SGCZ: variants seen among roughly 807,000 people sequenced by gnomAD.
SGCZ encodes zeta-sarcoglycan.
A neutral mutation model predicts 41.3 loss-of-function variants in SGCZ; 40 were observed. The observed-to-expected ratio is 0.97, with a 90% confidence interval of 0.75 to 1.26. SGCZ has a LOEUF of 1.26. SGCZ is among the 50% of genes most tolerant of loss of function. The pLI, the probability that SGCZ is intolerant of heterozygous loss-of-function variation, is 0.00. For synonymous variants in SGCZ, 206 were observed against 137.5 expected (o/e 1.50, Z -3.49); for missense variants, 552 against 369.8 (o/e 1.49, Z -4.04).
intron 1 of SGCZ, among the ~76,000 whole-genome samples, chr8:14,730,437 G>C (rs1483632549): frequency 6.6e-6 from 1 of 150,634 alleles, no homozygotes; most frequent in East Asian, 1.9e-4. Flanking sequence ...ACCTGCTCTT[G>C]TATGTTCTAT....
chr8:15,127,291 T>A (rs534997830), intron 1 of SGCZ, among the ~76,000 whole-genome samples: 1 of 149,876 alleles, frequency 6.7e-6, no homozygotes, highest in Non-Finnish European at 1.5e-5. Context: ...CACACACATA[T>A]ACATACATGG....
At chr8:14,189,575 T>C (rs1472414638) in intron 4 of SGCZ, among the ~76,000 whole-genome samples, 1 of 152,208 alleles carries the variant, frequency 6.6e-6, no homozygotes, top group Non-Finnish European at 1.5e-5. Flanking sequence ...CTTTGCTCAT[T>C]GTTTTATTTA....
intron 1 of SGCZ, among the ~76,000 whole-genome samples, chr8:15,027,559 T>G (rs555175523): frequency 6.6e-6 from 1 of 152,086 alleles, no homozygotes; most frequent in Non-Finnish European, 1.5e-5. Flanking sequence ...CTTCTAATTT[T>G]ATATAATTAT....
chr8:14,973,113 A>G (rs1228446750), intron 1 of SGCZ, among the ~76,000 whole-genome samples: 1 of 152,192 alleles, frequency 6.6e-6, no homozygotes, highest in African/African-American at 2.4e-5. Flanking sequence ...TAAATAATTT[A>G]CTTTAGAAAA....
chr8:14,771,622 G>A (rs1335867195), intron 1 of SGCZ, among the ~76,000 whole-genome samples: 3 of 151,956 alleles, frequency 2.0e-5, no homozygotes, highest in Non-Finnish European at 2.9e-5. Context: ...ACATAATTAG[G>A]TAACAATATA....
intron 3 of SGCZ, among the ~76,000 whole-genome samples, chr8:14,243,710 T>A (rs34953040): frequency 6.6e-6 from 1 of 151,946 alleles, no homozygotes; most frequent in Non-Finnish European, 1.5e-5. Context: ...TTCTTATCCA[T>A]GTCTCTTTAT....
chr8:14,371,833 T>G (rs1803920622), intron 2 of SGCZ, among the ~76,000 whole-genome samples: 1 of 152,074 alleles, frequency 6.6e-6, no homozygotes, highest in Non-Finnish European at 1.5e-5. Flanking sequence ...ATAAATAAGA[T>G]GTACATATGG....
chr8:15,058,853 A>G (rs754762019), intron 1 of SGCZ, among the ~76,000 whole-genome samples: 7 of 152,204 alleles, frequency 4.6e-5, no homozygotes, highest in Non-Finnish European at 8.8e-5. Flanking sequence ...TATCCTTAGT[A>G]TATCCAAATG....
chr8:14,941,771 T>G (rs1800282239), intron 1 of SGCZ, among the ~76,000 whole-genome samples: 1 of 151,872 alleles, frequency 6.6e-6, no homozygotes, highest in Admixed American at 6.6e-5. Flanking sequence ...ACAGATATTT[T>G]AAATTATCTC....
chr8:14,581,642 T>A (rs1804892489), intron 1 of SGCZ, among the ~76,000 whole-genome samples: 1 of 151,908 alleles, frequency 6.6e-6, no homozygotes, highest in Non-Finnish European at 1.5e-5. Flanking sequence ...TGCTTCAGAG[T>A]CCAGAAAGCA....
intron 1 of SGCZ, among the ~76,000 whole-genome samples, chr8:14,747,838 T>C (rs1198955158): frequency 6.7e-6 from 1 of 150,354 alleles, no homozygotes; most frequent in Non-Finnish European, 1.5e-5. Flanking sequence ...TCAGTCTCCT[T>C]AGTAGCTGAG....
intron 3 of SGCZ, among the ~76,000 whole-genome samples, chr8:14,303,989 T>C (rs529632624): frequency 6.6e-6 from 1 of 151,916 alleles, no homozygotes; most frequent in Admixed American, 6.6e-5. Context: ...TGACCTCAAG[T>C]GATACTCCTG....
intron 1 of SGCZ, among the ~76,000 whole-genome samples, chr8:15,014,317 A>G (rs1802944118): frequency 6.6e-5 from 10 of 152,310 alleles, no homozygotes; most frequent in Middle Eastern, 3.4e-3. Flanking sequence ...CCCCCAAGGC[A>G]TTGATGCCAG....
chr8:14,642,797 T>C (rs551950316), intron 1 of SGCZ, among the ~76,000 whole-genome samples: 3 of 151,664 alleles, frequency 2.0e-5, no homozygotes, highest in African/African-American at 7.2e-5. Flanking sequence ...TAATACAAAA[T>C]GGCACTGACT....
At chr8:14,144,663 C>A (rs950612741) in intron 5 of SGCZ, among the ~76,000 whole-genome samples, 5 of 152,162 alleles carry the variant, frequency 3.3e-5, no homozygotes, top group African/African-American at 1.2e-4. Flanking sequence ...GGGTGTAGAG[C>A]ACCAAGCAGG....
chr8:14,564,631 C>T (rs1167538445), intron 1 of SGCZ, among the ~76,000 whole-genome samples: 1 of 152,048 alleles, frequency 6.6e-6, no homozygotes, highest in East Asian at 1.9e-4. Flanking sequence ...GCTAGTGATC[C>T]CCTACTTAAG....
chr8:14,242,334 A>G (rs1028201390), intron 3 of SGCZ, among the ~76,000 whole-genome samples: 1 of 152,198 alleles, frequency 6.6e-6, no homozygotes, highest in Non-Finnish European at 1.5e-5. Flanking sequence ...AATACTTTAC[A>G]TATATGAGAT....
chr8:14,615,817 T>C (rs1446401425), intron 1 of SGCZ, among the ~76,000 whole-genome samples: 1 of 152,200 alleles, frequency 6.6e-6, no homozygotes, highest in Non-Finnish European at 1.5e-5. Context: ...TGTATAAATA[T>C]TGAACTATTA....
intron 1 of SGCZ, among the ~76,000 whole-genome samples, chr8:14,906,292 G>C (rs1799119262): frequency 1.3e-5 from 2 of 152,058 alleles, no homozygotes; most frequent in South Asian, 2.1e-4. Context: ...TAATTCTTGA[G>C]ACAATATGAA....
Sources: allele counts gnomAD v4.1 joint callset (sites outside exome capture counted in the v4.1 genomes callset), GRCh38; gene constraint gnomAD v4.1.1; transcripts MANE v1.5; gene names NCBI Gene and HGNC (gene_info 2026-07-23, HGNC 2026-07-21).